SND1: variants seen among roughly 807,000 people sequenced by gnomAD.
SND1 encodes staphylococcal nuclease domain-containing protein 1.
Under a neutral mutation model 121.7 loss-of-function variants are expected in SND1, and 38 were observed. That is an observed-to-expected ratio of 0.31 (90% CI 0.24 to 0.41). The LOEUF (loss-of-function observed/expected upper bound fraction) is 0.41, where lower values mean the gene tolerates loss of function less well. SND1 is among the 10% of genes least tolerant of loss of function. The probability of loss-of-function intolerance (pLI) is 1.00; values close to 1 mark genes in which losing one functional copy is unlikely to be tolerated. For missense variants in SND1, 868 were observed against 1,184.6 expected, an observed-to-expected ratio of 0.73 and a Z score of 3.92; for synonymous variants, 401 against 447.4, an observed-to-expected ratio of 0.90 and a Z score of 1.31.
At chr7:128,051,663 C>G (rs1793048556) in intron 16 of SND1, among the ~76,000 whole-genome samples, 1 of 152,110 alleles carries the variant, frequency 6.6e-6, no homozygotes, top group East Asian at 1.9e-4. Flanking sequence ...AGGAAGGGAC[C>G]TGGGTGGTGT....
At chr7:127,783,372 T>C (rs1797756531) in intron 10 of SND1, among the ~76,000 whole-genome samples, 1 of 152,244 alleles carries the variant, frequency 6.6e-6, no homozygotes, top group Admixed American at 6.5e-5. Context: ...ATTGACAGGA[T>C]ACTGGTCAGT....
At chr7:127,741,957 C>T (rs1796888379) in intron 10 of SND1, among the ~76,000 whole-genome samples, 1 of 152,040 alleles carries the variant, frequency 6.6e-6, no homozygotes, top group Admixed American at 6.6e-5. Context: ...GAATGCTGTC[C>T]CTATCAGGTT....
chr7:127,829,353 G>A (rs1798698917), intron 11 of SND1, among the ~76,000 whole-genome samples: 1 of 152,088 alleles, frequency 6.6e-6, no homozygotes, highest in Admixed American at 6.5e-5. Context: ...TTATTGTTTG[G>A]ACCATCCCTT....
chr7:128,033,827 CTT>C (rs1362438336), intron 16 of SND1, among the ~76,000 whole-genome samples: 1 of 152,160 alleles, frequency 6.6e-6, no homozygotes, highest in African/African-American at 2.4e-5. Flanking sequence ...TGTCAAGAAA[CTT>C]GGGTGTGGAA....
chr7:127,748,133 A>C (rs1200201291), intron 10 of SND1, among the ~76,000 whole-genome samples: 1 of 152,090 alleles, frequency 6.6e-6, no homozygotes, highest in Non-Finnish European at 1.5e-5. Flanking sequence ...TTGAAGTGAG[A>C]ATCTAACACT....
chr7:127,925,474 A>C (rs1800809562), intron 14 of SND1, among the ~76,000 whole-genome samples: 1 of 152,230 alleles, frequency 6.6e-6, no homozygotes, highest in Non-Finnish European at 1.5e-5. Flanking sequence ...TGAAAGCCTT[A>C]GCATATAGAT....
At chr7:127,918,605 CAGGTCCTAGAAGAGTATATGGCACCAAGT>C (rs1274324915) in intron 14 of SND1, among the ~76,000 whole-genome samples, 1 of 152,132 alleles carries the variant, frequency 6.6e-6, no homozygotes, top group African/African-American at 2.4e-5. Flanking sequence ...ACTATACAGT[CAGGTCCTAGAAGAGTATATGGCACCAAGT>C]AGGTGCTTAG....
intron 16 of SND1, among the ~76,000 whole-genome samples, chr7:127,994,785 C>T (rs1381217586): frequency 1.3e-5 from 2 of 152,134 alleles, no homozygotes; most frequent in African/African-American, 4.8e-5. Flanking sequence ...GATCTCAGCT[C>T]ACTGCAACCT....
rs1008136375 is a variant in SND1 at position 127,667,377 on chromosome 7, T to G, written c.78+14926T>G. 2.6e-5 allele frequency among the ~76,000 whole-genome samples: 4 copies of G among 152,354 alleles called. No individual in the cohort carries two copies. The East Asian group carries it at 7.7e-4, about 29-fold the overall frequency. ...TCTGGTTGGCTTTCATTTAGTTGTA[T>G]CTGGTATACAGGTCCCCTACCACGT... On this transcript the variant is annotated intron_variant, in intron 1 of 23. Coordinates refer to ENST00000354725, the MANE Select transcript of SND1 (RefSeq NM_014390.4).
At chr7:128,043,355 C>G (rs1302946289) in intron 16 of SND1, among the ~76,000 whole-genome samples, 1 of 152,098 alleles carries the variant, frequency 6.6e-6, no homozygotes, top group Non-Finnish European at 1.5e-5. Context: ...AGGCAGATCA[C>G]TTGAGGTCAG....
At chr7:127,673,512 A>G (rs1420713379) in intron 1 of SND1, among the ~76,000 whole-genome samples, 37 of 152,076 alleles carry the variant, frequency 2.4e-4, no homozygotes, top group Admixed American at 2.4e-3. Flanking sequence ...GGGTTTTGCC[A>G]TGTTGGCCAG....
Position 127,887,854 on chromosome 7 carries a change from G to A in SND1, c.1344-48G>A, listed in dbSNP as rs777435922. ...AACTGTTATTATTTCTGTTGACTGA[G>A]CCCCATATGCACTTCTAGTGCTCAC... On this transcript the variant is annotated intron_variant, in intron 12 of 23. Transcript: ENST00000354725. 117 of 1,228,584 alleles carry A rather than the reference G, an allele frequency of 9.5e-5. 1 individual carries two copies. The South Asian group carries it at 1.4e-3, about 15-fold the overall frequency. The allele number at this position is 1,228,584 out of a possible 1,614,324, so 76.1% of individuals were successfully genotyped here.
chr7:127,985,228 T>G (rs762255194), intron 15 of SND1, among the ~76,000 whole-genome samples: 9 of 152,222 alleles, frequency 5.9e-5, no homozygotes, highest in Non-Finnish European at 8.8e-5. Flanking sequence ...GGATGTGTCC[T>G]GTTAAGCCCC....
intron 16 of SND1, among the ~76,000 whole-genome samples, chr7:128,017,025 A>G (rs1055120377): frequency 1.3e-5 from 2 of 152,196 alleles, no homozygotes; most frequent in Admixed American, 6.5e-5. Context: ...CATCAGATTC[A>G]CTGCCAGAAA....
At chr7:127,898,289 TC>T (rs1207253616) in intron 13 of SND1, among the ~76,000 whole-genome samples, 2 of 152,092 alleles carry the variant, frequency 1.3e-5, no homozygotes, top group Non-Finnish European at 2.9e-5. Flanking sequence ...TCCGCCCACC[TC>T]CCCTTGACTG....
intron 1 of SND1, among the ~76,000 whole-genome samples, chr7:127,678,652 C>T (rs1457262683): frequency 6.6e-6 from 1 of 152,140 alleles, no homozygotes; most frequent in African/African-American, 2.4e-5. Context: ...GAAAGGCCTC[C>T]CAGACCACAC....
At chr7:128,064,650 A>G (rs532974704) in intron 16 of SND1, among the ~76,000 whole-genome samples, 48 of 152,296 alleles carry the variant, frequency 3.2e-4, no homozygotes, top group Non-Finnish European at 6.2e-4. Context: ...TGAGCGCTGC[A>G]CTAGAGGCGA....
intron 11 of SND1, among the ~76,000 whole-genome samples, chr7:127,832,595 A>T (rs1242440521): frequency 6.6e-6 from 1 of 152,230 alleles, no homozygotes; most frequent in African/African-American, 2.4e-5. Context: ...AAATTTGTCA[A>T]TTTTATAGGA....
At chr7:127,711,571 G>T (rs568020863) in intron 9 of SND1, among the ~76,000 whole-genome samples, 1 of 152,106 alleles carries the variant, frequency 6.6e-6, no homozygotes, top group Non-Finnish European at 1.5e-5. Flanking sequence ...ATTTCATAGC[G>T]ATGCACTTTG....
Sources: gnomAD v4.1 joint callset for allele counts (sites outside exome capture counted in the v4.1 genomes callset) on GRCh38, gnomAD v4.1.1 for gene constraint, MANE v1.5 for transcripts, NCBI Gene and HGNC (gene_info 2026-07-23, HGNC 2026-07-21) for gene names.